R3HCC1L: variants seen among roughly 807,000 people sequenced by gnomAD.
R3HCC1L encodes R3H domain and coiled-coil containing 1 like.
Under a neutral mutation model 59.9 loss-of-function variants are expected in R3HCC1L, and 51 were observed. The ratio of observed to expected loss-of-function variants is 0.85; its 90% confidence interval spans 0.68 to 1.07. The LOEUF (loss-of-function observed/expected upper bound fraction) is 1.07. Among genes scored for constraint, R3HCC1L ranks in the 50% least tolerant of loss-of-function variants. The probability of loss-of-function intolerance (pLI) is 0.00; values close to 1 mark genes in which losing one functional copy is unlikely to be tolerated. For missense variants in R3HCC1L, 965 were observed against 933.0 expected (o/e 1.03, Z -0.45); for synonymous variants, 322 against 315.2 (o/e 1.02, Z -0.23).
At chr10:98,163,028 T>G (rs1847598089) in intron 3 of R3HCC1L, 53 bp downstream of exon 3, 1 of 168,118 alleles carries the variant, frequency 5.9e-6, no homozygotes. Context: ...TTTTGTGTCT[T>G]ATCTCTTTTT....
At chr10:98,155,796 T>G (rs1353783481) in intron 1 of R3HCC1L, among the ~76,000 whole-genome samples, 1 of 151,734 alleles carries the variant, frequency 6.6e-6, no homozygotes, top group Non-Finnish European at 1.5e-5. Context: ...ATCTTTTGAT[T>G]TACTGGTTTT....
At chr10:98,226,932 T>A (rs1855736565) in intron 5 of R3HCC1L, among the ~76,000 whole-genome samples, 2 of 152,262 alleles carry the variant, frequency 1.3e-5, no homozygotes, top group Admixed American at 1.3e-4. Flanking sequence ...GTATGGATTT[T>A]AAGATAAGCA....
Position 98,208,219 on chromosome 10 carries a change from TGAA to T in R3HCC1L, c.112_114del (p.Glu38del), listed in dbSNP as rs766990785. 11 of 1,613,886 alleles carry T rather than the reference TGAA, an allele frequency of 6.8e-6. No individual in the cohort carries two copies. The African/African-American group carries it at 1.2e-4, about 18-fold the overall frequency. ...GTGCAGTACTCCTTAAGACAGGTGA[TGAA>T]GAAGAAAGCTGTGGTTCACCTAACT... is the stretch of plus-strand genomic sequence containing the variant. On this transcript the variant is annotated inframe_deletion, in exon 5 of 10. Coordinates refer to ENST00000298999, the MANE Select transcript of R3HCC1L (RefSeq NM_001351015.2).
chr10:98,214,193 G>T (rs1280642703), intron 5 of R3HCC1L, among the ~76,000 whole-genome samples: 1 of 152,106 alleles, frequency 6.6e-6, no homozygotes, highest in African/African-American at 2.4e-5. Flanking sequence ...TTTCAAAACT[G>T]CAGAAAGGTG....
rs533885725 is a variant in R3HCC1L, at chr10:98,229,869, A to G, written c.1786-1643A>G. 3.7e-3 allele frequency among the ~76,000 whole-genome samples: 559 copies of G among 152,286 alleles called. 4 individuals are homozygous for G. The highest frequency in any genetic ancestry group is 0.012 in the African/African-American group (501 of 41,554). ...AGTTTTTGTTGTTGGTTCTGTTTATATGCTGGATTACATTTATTGATTTGC... is the reference window on the plus strand; with the variant it reads ...AGTTTTTGTTGTTGGTTCTGTTTATGTGCTGGATTACATTTATTGATTTGC... On this transcript the variant is annotated intron_variant, in intron 5 of 9. Coordinates refer to ENST00000298999, the MANE Select transcript of R3HCC1L (RefSeq NM_001351015.2).
chr10:98,146,752 G>A (rs942180480), intron 1 of R3HCC1L, among the ~76,000 whole-genome samples: 11 of 152,144 alleles, frequency 7.2e-5, no homozygotes, highest in African/African-American at 2.7e-4. Flanking sequence ...CTTCATGACT[G>A]AATAATATTC....
chr10:98,217,032 A>G (rs1476510802), intron 5 of R3HCC1L, among the ~76,000 whole-genome samples: 1 of 152,232 alleles, frequency 6.6e-6, no homozygotes, highest in Non-Finnish European at 1.5e-5. Flanking sequence ...TGTCAGTTAT[A>G]GTTGAATTTA....
chr10:98,163,484 T>C, intron 4 of R3HCC1L, 87 bp downstream of exon 4: 1 of 881,316 alleles, frequency 1.1e-6, no homozygotes, highest in South Asian at 3.0e-5. Context: ...TTTCTTCAGT[T>C]ATCATTTTAT....
At chr10:98,215,234 C>T (rs75005302) in intron 5 of R3HCC1L, among the ~76,000 whole-genome samples, 1 of 151,980 alleles carries the variant, frequency 6.6e-6, no homozygotes, top group Non-Finnish European at 1.5e-5. Flanking sequence ...TATTTATTCT[C>T]AGGAATGACT....
chr10:98,212,662 TAGA>T (rs1853717523), intron 5 of R3HCC1L, among the ~76,000 whole-genome samples: 1 of 152,182 alleles, frequency 6.6e-6, no homozygotes, highest in Admixed American at 6.5e-5. Context: ...GAATTCTTGG[TAGA>T]AGAACACAGG....
chr10:98,222,247 T>C (rs1203007140), intron 5 of R3HCC1L, among the ~76,000 whole-genome samples: 1 of 152,222 alleles, frequency 6.6e-6, no homozygotes, highest in Non-Finnish European at 1.5e-5. Context: ...GAGTCTTTGC[T>C]GAAGTTGCTT....
chr10:98,149,994 G>A (rs1169028916), intron 1 of R3HCC1L, among the ~76,000 whole-genome samples: 1 of 152,196 alleles, frequency 6.6e-6, no homozygotes, highest in Non-Finnish European at 1.5e-5. Flanking sequence ...ACTTGGCAGC[G>A]CTGGTCTTTT....
At chr10:98,218,137 T>C (rs2135413081) in intron 5 of R3HCC1L, among the ~76,000 whole-genome samples, 1 of 152,186 alleles carries the variant, frequency 6.6e-6, no homozygotes, top group East Asian at 1.9e-4. Context: ...TAATGTTAGG[T>C]GTGAGTTTGT....
rs142835281 is a variant in R3HCC1L, at chr10:98,226,403, G to A, written c.1786-5109G>A. The stretch of plus-strand genomic sequence containing the variant: ...CTGAAAACTATAAAACATTGTTGGA[G>A]GAAATTAAGGACTTAGAGAAATGGA... On this transcript the variant is annotated intron_variant, in intron 5 of 9. Coordinates refer to ENST00000298999, the MANE Select transcript of R3HCC1L (RefSeq NM_001351015.2). 3.0e-3 allele frequency among the ~76,000 whole-genome samples: 455 copies of A among 152,300 alleles called. 4 individuals are homozygous for A. Among genetic ancestry groups the A allele is most frequent in the African/African-American group, 9.3e-3 (386 of 41,556 alleles).
At chr10:98,143,022 A>AT (rs1296799275) in intron 1 of R3HCC1L, among the ~76,000 whole-genome samples, 1 of 152,138 alleles carries the variant, frequency 6.6e-6, no homozygotes, top group African/African-American at 2.4e-5. Context: ...TGGTTGGAAT[A>AT]TTTTGTGACA....
At chr10:98,175,625 A>C (rs1848935390) in intron 4 of R3HCC1L, among the ~76,000 whole-genome samples, 1 of 152,064 alleles carries the variant, frequency 6.6e-6, no homozygotes, top group Admixed American at 6.6e-5. Flanking sequence ...TTCTTTGGTG[A>C]AGTATTCTTA....
chr10:98,231,708 G>C, intron 6 of R3HCC1L, 21 bp downstream of exon 6: 1 of 1,554,078 alleles, frequency 6.4e-7, no homozygotes, highest in Non-Finnish European at 8.7e-7. Context: ...AAATGATTGT[G>C]GATGTTAGGG....
intron 1 of R3HCC1L, among the ~76,000 whole-genome samples, chr10:98,151,777 A>G (rs1846184404): frequency 6.6e-6 from 1 of 152,236 alleles, no homozygotes; most frequent in Non-Finnish European, 1.5e-5. Context: ...GTTTAGAGAA[A>G]AAAGGAAAAC....
In R3HCC1L at chr10:98,201,921, A is replaced by G. The variant is rs201782211; in HGVS notation, c.-14-6180A>G. On this transcript the variant is annotated intron_variant, in intron 4 of 9. Coordinates refer to ENST00000298999, the MANE Select transcript of R3HCC1L (RefSeq NM_001351015.2). Reference sequence around the variant, plus strand: ...TTTTTTAAAGAGACGGGGTCTCACTACCTTGCCCAAGCTGGAGTGTAGTGG... The same window carrying G: ...TTTTTTAAAGAGACGGGGTCTCACTGCCTTGCCCAAGCTGGAGTGTAGTGG... 2.9e-4 allele frequency among the ~76,000 whole-genome samples: 43 copies of G among 147,344 alleles called. No individual in the cohort carries two copies. The East Asian group carries it at 7.3e-3, about 25-fold the overall frequency.
Sources: gnomAD v4.1 joint callset for allele counts (sites outside exome capture counted in the v4.1 genomes callset) on GRCh38, gnomAD v4.1.1 for gene constraint, MANE v1.5 for transcripts, NCBI Gene and HGNC (gene_info 2026-07-23, HGNC 2026-07-21) for gene names.